P3H2: variants seen among roughly 807,000 people sequenced by gnomAD.
The protein encoded by P3H2 is prolyl 3-hydroxylase 2, also known as leprecan-like 1.
Under a neutral mutation model 87.0 loss-of-function variants are expected in P3H2, and 80 were observed. The observed-to-expected ratio is 0.92, with a 90% CI of 0.77 to 1.11. The LOEUF is 1.11. Among genes scored for constraint, P3H2 ranks in the 50% least tolerant of loss-of-function variants. The pLI is 0.00. For missense variants in P3H2, 1,001 were observed against 923.9 expected (o/e 1.08, Z -1.08); for synonymous variants, 367 against 359.3 (o/e 1.02, Z -0.24).
chr3:189,984,501 T>G, intron 7 of P3H2, 49 bp downstream of exon 7: 1 of 1,325,282 alleles, frequency 7.5e-7, no homozygotes, highest in Non-Finnish European at 1.1e-6. Flanking sequence ...GTTATGACAC[T>G]AAGTATTTCT....
chr3:190,042,942 AT>A (rs1217856119), intron 1 of P3H2, among the ~76,000 whole-genome samples: 1 of 152,162 alleles, frequency 6.6e-6, no homozygotes, highest in Non-Finnish European at 1.5e-5. Context: ...ATGAAGGCAG[AT>A]TTTTTTCATT....
In P3H2 at chr3:190,120,484, C is replaced by G. The variant is rs1577334628; in HGVS notation, c.248G>C (p.Arg83Pro). The change falls in exon 1 of 15, where the codon CGC becomes CCC. Residue 83 changes from arginine to proline, a missense_variant. Coordinates refer to ENST00000319332, the MANE Select transcript of P3H2 (RefSeq NM_018192.4). The stretch of plus-strand genomic sequence containing the variant: ...GCGCGCCGCGCAGTGGCGGGCACAG[C>G]GCGTGCGGATTTCCCGCAGGCGCCG... ...SHRRLREIRT[R>P]CARHCAARHP... is the part of the protein sequence containing the mutation. 6.9e-7 allele frequency: 1 copy of G among 1,443,000 alleles called. No individual in the cohort carries two copies. Among genetic ancestry groups the G allele is most frequent in the Non-Finnish European group, 9.0e-7 (1 of 1,105,180 alleles). 89.4% of individuals were successfully genotyped at this position (1,443,000 alleles called of 1,614,324 possible). A position where few individuals can be genotyped will look rare whatever the true frequency, so the allele number is the denominator to read the frequency against.
rs116390227 is a variant in P3H2, at chr3:189,987,091, G to A, written c.1099-214C>T. Among the ~76,000 whole-genome samples the A allele has an allele frequency of 6.3e-3, 961 of 152,274 alleles. 3 individuals are homozygous for A. Among genetic ancestry groups the A allele is most frequent in the Non-Finnish European group, 7.6e-3 (516 of 68,026 alleles). ...GGCATAAATAAAGTTTGAAAGAACCGAGTTCAACAACCTTTGCTAAATTGT... is the reference window on the plus strand; with the variant it reads ...GGCATAAATAAAGTTTGAAAGAACCAAGTTCAACAACCTTTGCTAAATTGT... On this transcript the variant is annotated intron_variant, in intron 5 of 14. Transcript: ENST00000319332.
chr3:189,991,622 G>T (rs1723879934), intron 3 of P3H2, among the ~76,000 whole-genome samples: 1 of 152,212 alleles, frequency 6.6e-6, no homozygotes, highest in Admixed American at 6.5e-5. Flanking sequence ...CCGAGAGATA[G>T]AAGAAAACAA....
intron 1 of P3H2, among the ~76,000 whole-genome samples, chr3:190,043,531 A>G (rs181134193): frequency 1.3e-4 from 20 of 152,322 alleles, no homozygotes; most frequent in Admixed American, 9.1e-4. Context: ...CTACACAAGA[A>G]TTTCCTATTG....
intron 1 of P3H2, among the ~76,000 whole-genome samples, chr3:190,083,733 A>G (rs1340178471): frequency 6.6e-6 from 1 of 152,228 alleles, no homozygotes; most frequent in African/African-American, 2.4e-5. Context: ...GACATTTCAG[A>G]TTAACATCAA....
chr3:190,082,017 G>A (rs1430441541), intron 1 of P3H2, among the ~76,000 whole-genome samples: 1 of 152,098 alleles, frequency 6.6e-6, no homozygotes, highest in Non-Finnish European at 1.5e-5. Context: ...ACTTTAGGAG[G>A]CCAAAGTGGG....
chr3:189,961,999 T>TA (rs958308645), intron 14 of P3H2, among the ~76,000 whole-genome samples: 12 of 150,778 alleles, frequency 8.0e-5, no homozygotes, highest in East Asian at 1.9e-4. Flanking sequence ...TTCCTTAGTT[T>TA]AAAAAAAAAT....
At position 190,028,790 on chromosome 3, in the gene P3H2, G is replaced by A. The variant is rs148937400; in HGVS notation, c.481-33348C>T. On this transcript the variant is annotated intron_variant, in intron 1 of 14. Coordinates refer to ENST00000319332, the MANE Select transcript of P3H2 (RefSeq NM_018192.4). ...AATTGTTTGAATGGAGACACTCTAT[G>A]TTTTACAATGATTTTATTATTTTAA... Among the ~76,000 whole-genome samples, 1,348 of 151,780 alleles carry A rather than the reference G, an allele frequency of 8.9e-3. 28 individuals carry two copies. Among genetic ancestry groups the A allele is most frequent in the African/African-American group, 0.03 (1,246 of 41,104 alleles).
At chr3:190,052,543 GCACTGTTCTCCATGAA>G (rs1157167749) in intron 1 of P3H2, among the ~76,000 whole-genome samples, 1 of 107,772 alleles carries the variant, frequency 9.3e-6, no homozygotes, top group Non-Finnish European at 2.5e-5. Flanking sequence ...TCCATGCTTA[GCACTGTTCTCCATGAA>G]GTAAGTAATA....
At chr3:190,009,525 G>A (rs982769479) in intron 1 of P3H2, among the ~76,000 whole-genome samples, 20 of 152,120 alleles carry the variant, frequency 1.3e-4, no homozygotes, top group Admixed American at 3.9e-4. Context: ...CAGCAGTTCC[G>A]TTGGTAGGGC....
At chr3:189,980,049 T>C (rs2108913876) in intron 8 of P3H2, among the ~76,000 whole-genome samples, 1 of 152,308 alleles carries the variant, frequency 6.6e-6, no homozygotes, top group African/African-American at 2.4e-5. Flanking sequence ...TGAGTTTCCA[T>C]ATCACGCATG....
Position 190,019,788 on chromosome 3 carries a change from AT to A in P3H2, c.481-24347del, listed in dbSNP as rs1560365205. Among the ~76,000 whole-genome samples, 51 of 33,170 alleles carry A rather than the reference AT, an allele frequency of 1.5e-3. 11 individuals carry two copies. In the South Asian group the frequency reaches 0.021, roughly 14 times the overall value. The allele number at this position is 33,170 out of a possible 152,430, so 21.8% of individuals were successfully genotyped here. A position where few individuals can be genotyped will look rare whatever the true frequency, so the allele number is the denominator to read the frequency against. On this transcript the variant is annotated intron_variant, in intron 1 of 14. Transcript: ENST00000319332. The stretch of plus-strand genomic sequence containing the variant: ...TGACATTACCTAGAAATTAAAAAAT[AT>A]ATATATATATATATATATATATATA...
intron 1 of P3H2, among the ~76,000 whole-genome samples, chr3:190,082,726 G>A (rs1727083238): frequency 6.6e-6 from 1 of 152,172 alleles, no homozygotes; most frequent in Admixed American, 6.5e-5. Context: ...TTGTGAAGGT[G>A]ATGAGCTTAG....
chr3:190,099,388 G>C (rs1483433972), intron 1 of P3H2, among the ~76,000 whole-genome samples: 1 of 152,194 alleles, frequency 6.6e-6, no homozygotes, highest in Non-Finnish European at 1.5e-5. Flanking sequence ...AACCACGAGA[G>C]AAGAATTACA....
chr3:189,972,871 C>CACCAG lies in P3H2; in HGVS notation c.1697_1699+2dup. The CACCAG allele has an allele frequency of 6.2e-7, 1 of 1,614,014 alleles. No individual in the cohort carries two copies. The highest frequency in any genetic ancestry group is 8.5e-7 in the Non-Finnish European group (1 of 1,179,948). ...AGGGAACCATTTCAGACTGCAATCT[C>CACCAG]ACCAGACAGGGCTGTTCGGCAGACC... On this transcript the variant is annotated splice_region_variant and intron_variant, in intron 11 of 14. Coordinates refer to ENST00000319332, the MANE Select transcript of P3H2 (RefSeq NM_018192.4).
rs1051390821 is a variant in P3H2, at chr3:190,010,259, G to A, written c.481-14817C>T. 2.6e-5 allele frequency among the ~76,000 whole-genome samples: 4 copies of A among 152,106 alleles called. No homozygotes were observed. The South Asian group carries it at 8.3e-4, about 32-fold the overall frequency. ...AGAAGAATGAAGTTCAGAGAGGTCA[G>A]GTAATAATAGTTGCCACTATTATTA... On this transcript the variant is annotated intron_variant, in intron 1 of 14. Transcript: ENST00000319332.
chr3:189,964,817 C>G (rs987011604), intron 13 of P3H2, among the ~76,000 whole-genome samples: 13 of 152,202 alleles, frequency 8.5e-5, no homozygotes, highest in African/African-American at 2.9e-4. Context: ...TCAGGTGGAG[C>G]TGTCCACAGC....
Position 190,120,563 on chromosome 3 carries a change from T to C in P3H2, c.169A>G (p.Ser57Gly). The change falls in exon 1 of 15, where the codon AGC (serine) becomes GGC (glycine). Residue 57 changes from serine to glycine, a missense_variant. Physicochemically the swap from Ser to Gly is moderately conservative, Grantham distance 56. Coordinates refer to ENST00000319332, the MANE Select transcript of P3H2 (RefSeq NM_018192.4). ...LYASGAAAYYSGDYERAVRDL... is the reference protein window; with the variant it reads ...LYASGAAAYYGGDYERAVRDL... The stretch of plus-strand genomic sequence containing the variant: ...CGCACCGCTCGCTCGTAGTCTCCGC[T>C]GTAGTAGGCGGCCGCGCCGCTGGCG... 2 of 1,537,442 alleles carry C rather than the reference T, an allele frequency of 1.3e-6. No homozygotes were observed. Among genetic ancestry groups the C allele is most frequent in the Non-Finnish European group, 8.7e-7 (1 of 1,151,956 alleles).
Sources: gnomAD v4.1 joint callset for allele counts (sites outside exome capture counted in the v4.1 genomes callset) on GRCh38, gnomAD v4.1.1 for gene constraint, MANE v1.5 for transcripts, NCBI Gene and HGNC (gene_info 2026-07-23, HGNC 2026-07-21) for gene names.